Variants in SH3GL3 observed in about 807,000 individuals in gnomAD.
The protein encoded by SH3GL3 is SH3 domain containing GRB2 like 3, endophilin A3.
A neutral mutation model predicts 47.7 loss-of-function variants in SH3GL3; 33 were observed. The observed-to-expected ratio is 0.69, with a 90% confidence interval of 0.52 to 0.92. The LOEUF (loss-of-function observed/expected upper bound fraction) is 0.92. Ranked by LOEUF, SH3GL3 falls within the 40% of genes least tolerant of loss-of-function variation. The pLI is 0.00. For missense variants in SH3GL3, 363 were observed against 417.8 expected, an observed-to-expected ratio of 0.87 and a Z score of 1.14; for synonymous variants, 155 against 148.8, an observed-to-expected ratio of 1.04 and a Z score of -0.30.
intron 1 of SH3GL3, among the ~76,000 whole-genome samples, chr15:83,555,365 G>A (rs1441784091): frequency 6.6e-6 from 1 of 152,004 alleles, no homozygotes; most frequent in African/African-American, 2.4e-5. Context: ...GTGAATTCAT[G>A]TTATGTTATG....
chr15:83,520,165 A>C (rs1188890032), intron 1 of SH3GL3, among the ~76,000 whole-genome samples: 2 of 152,038 alleles, frequency 1.3e-5, no homozygotes, highest in African/African-American at 4.8e-5. Context: ...AGGCTAGGGA[A>C]CCCAAATCTT....
chr15:83,577,187 G>A (rs986259164), intron 6 of SH3GL3, among the ~76,000 whole-genome samples: 1 of 152,008 alleles, frequency 6.6e-6, no homozygotes, highest in Admixed American at 6.5e-5. Flanking sequence ...GGGATTAAAG[G>A]TGTGAGCCAC....
At chr15:83,490,838 A>T (rs1273512194) in intron 1 of SH3GL3, 1 of 1,614,192 alleles carries the variant, frequency 6.2e-7, no homozygotes, top group Non-Finnish European at 8.5e-7. Flanking sequence ...GAATGAATGG[A>T]TGGAATCTTT....
chr15:83,579,800 TG>T (rs762957803), intron 6 of SH3GL3, among the ~76,000 whole-genome samples: 25 of 152,248 alleles, frequency 1.6e-4, no homozygotes, highest in Non-Finnish European at 2.9e-4. Context: ...ACTCTCTTCT[TG>T]GGGTCAACAG....
chr15:83,572,294 C>G (rs1038200026), intron 4 of SH3GL3, among the ~76,000 whole-genome samples: 12 of 152,184 alleles, frequency 7.9e-5, no homozygotes, highest in Non-Finnish European at 1.2e-4. Flanking sequence ...ATCTTTATCC[C>G]CATCTAGTGG....
chr15:83,528,175 G>A (rs796289473), intron 1 of SH3GL3, among the ~76,000 whole-genome samples: 1 of 152,148 alleles, frequency 6.6e-6, no homozygotes, highest in South Asian at 2.1e-4. Context: ...CTATTAGTCT[G>A]ATGGGGGGCA....
chr15:83,499,285 T>C (rs1385919048), intron 1 of SH3GL3, among the ~76,000 whole-genome samples: 1 of 151,970 alleles, frequency 6.6e-6, no homozygotes, highest in African/African-American at 2.4e-5. Flanking sequence ...TAAAACTGAT[T>C]CTACATTAAA....
At chr15:83,490,244 C>T (rs1056109346) in intron 1 of SH3GL3, among the ~76,000 whole-genome samples, 5 of 151,302 alleles carry the variant, frequency 3.3e-5, no homozygotes, top group Non-Finnish European at 7.4e-5. Flanking sequence ...TGTGTTAACA[C>T]TGCCCCTTTA....
intron 1 of SH3GL3, among the ~76,000 whole-genome samples, chr15:83,484,340 T>C (rs1723038670): frequency 6.6e-6 from 1 of 152,224 alleles, no homozygotes. Context: ...GTATGTCTGG[T>C]CATCTGCCAT....
the SH3GL3 span, among the ~76,000 whole-genome samples, chr15:83,627,206 G>A: frequency 1.3e-5 from 2 of 152,070 alleles, no homozygotes; most frequent in African/African-American, 4.8e-5. Context: ...GACCATCCTG[G>A]CTAACACGGT....
intron 1 of SH3GL3, among the ~76,000 whole-genome samples, chr15:83,503,712 A>G (rs2042379366): frequency 6.6e-6 from 1 of 152,224 alleles, no homozygotes; most frequent in African/African-American, 2.4e-5. Context: ...CAACTAGAAC[A>G]ATGTATAATT....
intron 1 of SH3GL3, among the ~76,000 whole-genome samples, chr15:83,512,312 T>C (rs2042792086): frequency 6.6e-6 from 1 of 152,188 alleles, no homozygotes; most frequent in Admixed American, 6.5e-5. Flanking sequence ...AAAAATGTGC[T>C]TAATACTCTT....
chr15:83,506,976 G>A (rs952291224), intron 1 of SH3GL3, among the ~76,000 whole-genome samples: 2 of 151,328 alleles, frequency 1.3e-5, no homozygotes, highest in African/African-American at 4.9e-5. Context: ...TTCCTGATTG[G>A]TTGTTACTGA....
chr15:83,502,593 C>T (rs1186578978), intron 1 of SH3GL3, among the ~76,000 whole-genome samples: 1 of 152,154 alleles, frequency 6.6e-6, no homozygotes, highest in African/African-American at 2.4e-5. Context: ...AAGTCTCAGT[C>T]TATCACCTGG....
intron 4 of SH3GL3, among the ~76,000 whole-genome samples, chr15:83,569,371 G>A (rs1217620463): frequency 6.6e-6 from 1 of 152,070 alleles, no homozygotes; most frequent in African/African-American, 2.4e-5. Context: ...AATATTCCAT[G>A]TATCATAGTT....
intron 1 of SH3GL3, among the ~76,000 whole-genome samples, chr15:83,553,127 A>G (rs1297025243): frequency 1.3e-5 from 2 of 152,018 alleles, no homozygotes; most frequent in Non-Finnish European, 2.9e-5. Context: ...TGAGCCAGGC[A>G]TGATGCTGTG....
intron 1 of SH3GL3, among the ~76,000 whole-genome samples, chr15:83,526,719 G>C (rs1407205243): frequency 6.6e-6 from 1 of 152,006 alleles, no homozygotes; most frequent in Non-Finnish European, 1.5e-5. Context: ...TGGGTACTAG[G>C]CTTAATACTT....
intron 8 of SH3GL3, 123 bp from the exon 9 acceptor site, chr15:83,617,959 G>A (rs2060871820): frequency 1.5e-6 from 1 of 682,248 alleles, no homozygotes. Flanking sequence ...GGTGGAGCTG[G>A]CCTTGTGGGA....
chr15:83,449,366 C>T (rs2039620029), intron 1 of SH3GL3, among the ~76,000 whole-genome samples: 4 of 152,080 alleles, frequency 2.6e-5, no homozygotes, highest in East Asian at 1.9e-4. Flanking sequence ...GCCAGGAGGC[C>T]GAGTGCTGCT....
Sources: allele counts gnomAD v4.1 joint callset (sites outside exome capture counted in the v4.1 genomes callset), GRCh38; gene constraint gnomAD v4.1.1; transcripts MANE v1.5; gene names NCBI Gene and HGNC (gene_info 2026-07-23, HGNC 2026-07-21).